AGTPBP1: variants seen among roughly 807,000 people sequenced by gnomAD.
The protein encoded by AGTPBP1 is ATP/GTP binding carboxypeptidase 1, also known as cytosolic carboxypeptidase 1.
A neutral mutation model predicts 143.9 loss-of-function variants in AGTPBP1; 70 were observed. That is an observed-to-expected ratio of 0.49 (90% confidence interval 0.40 to 0.59). The LOEUF is 0.59. Ranked by LOEUF, AGTPBP1 falls within the 20% of genes least tolerant of loss-of-function variation. The pLI is 0.00. For missense variants in AGTPBP1, 1,229 were observed against 1,464.5 expected (o/e 0.84, Z 2.62); for synonymous variants, 463 against 500.2 (o/e 0.93, Z 0.99).
chr9:85,642,532 C>G (rs963161647), intron 13 of AGTPBP1, among the ~76,000 whole-genome samples: 1 of 151,694 alleles, frequency 6.6e-6, no homozygotes, highest in Non-Finnish European at 1.5e-5. Flanking sequence ...CGGGGTTTCA[C>G]TCTGTTGGCC....
In AGTPBP1 at chr9:85,655,440, C is replaced by T. The variant is rs1833436785; in HGVS notation, c.910-120G>A. On this transcript the variant is annotated intron_variant, in intron 10 of 25. Coordinates refer to ENST00000357081, the MANE Select transcript of AGTPBP1 (RefSeq NM_001330701.2). ...TTCTAGAAACAAATATCTCAAAAAC[C>T]AATATTTTAACACAGAATAATTACA... 8.2e-6 allele frequency: 7 copies of T among 854,702 alleles called. No homozygotes were observed. In the South Asian group the frequency reaches 8.3e-5, roughly 10 times the overall value. The allele number at this position is 854,702 out of a possible 1,614,324, so 52.9% of individuals were successfully genotyped here.
chr9:85,630,191 G>T (rs76452090), intron 14 of AGTPBP1, among the ~76,000 whole-genome samples: 2 of 152,134 alleles, frequency 1.3e-5, no homozygotes, highest in African/African-American at 4.8e-5. Context: ...CAGGTGGGTC[G>T]TTCAGATTCT....
the AGTPBP1 span, among the ~76,000 whole-genome samples, chr9:85,785,354 C>T: frequency 0.01 from 1,584 of 151,898 alleles, 18 homozygotes; most frequent in African/African-American, 0.036. Flanking sequence ...AAACAAAAAA[C>T]TTTTGTCTTT....
chr9:85,669,656 C>CA, intron 7 of AGTPBP1, 78 bp from the exon 8 acceptor site: 2 of 844,288 alleles, frequency 2.4e-6, no homozygotes, highest in Non-Finnish European at 4.0e-6. Context: ...GATACATAGG[C>CA]AAAAACATAT....
chr9:85,650,450 A>G (rs889714106), intron 11 of AGTPBP1, among the ~76,000 whole-genome samples: 1 of 152,200 alleles, frequency 6.6e-6, no homozygotes, highest in African/African-American at 2.4e-5. Flanking sequence ...TCTCTTCCTT[A>G]TGACTTTTCA....
intron 23 of AGTPBP1, among the ~76,000 whole-genome samples, chr9:85,582,789 C>CATAG (rs1203007357): frequency 1.3e-5 from 2 of 152,042 alleles, no homozygotes; most frequent in Non-Finnish European, 1.5e-5. Context: ...TCATCAGAAA[C>CATAG]ATAGCATTTA....
chr9:85,562,698 A>C (rs1333950681), intron 25 of AGTPBP1, among the ~76,000 whole-genome samples: 1 of 152,240 alleles, frequency 6.6e-6, no homozygotes, highest in Non-Finnish European at 1.5e-5. Context: ...ACTTTGAATA[A>C]GTCTCTTACC....
intron 15 of AGTPBP1, 146 bp from the exon 16 acceptor site, chr9:85,619,447 C>T (rs1830783314): frequency 1.7e-6 from 1 of 584,534 alleles, no homozygotes; most frequent in Admixed American, 3.3e-5. Context: ...AAAACAAGCA[C>T]AATCAATACA....
chr9:85,662,834 G>T (rs966740142), intron 8 of AGTPBP1, among the ~76,000 whole-genome samples: 18 of 151,946 alleles, frequency 1.2e-4, no homozygotes, highest in African/African-American at 3.9e-4. Context: ...TTCACTTCCA[G>T]ACAAGATGGA....
Position 85,621,186 on chromosome 9 carries a change from T to TA in AGTPBP1, c.2099+15dup. 1 of 1,389,560 alleles carries TA rather than the reference T, an allele frequency of 7.2e-7. No homozygotes were observed. Among genetic ancestry groups the TA allele is most frequent in the Non-Finnish European group, 9.5e-7 (1 of 1,051,550 alleles). 86.1% of individuals were successfully genotyped at this position (1,389,560 alleles called of 1,614,324 possible). Reference sequence around the variant, plus strand: ...AAACTTAAAACTAATAAAAGTTCATTAAAATCAAGACTTACTTTGGGTTAT... The same window carrying TA: ...AAACTTAAAACTAATAAAAGTTCATTAAAAATCAAGACTTACTTTGGGTTAT... On this transcript the variant is annotated intron_variant, in intron 15 of 25. Coordinates refer to ENST00000357081, the MANE Select transcript of AGTPBP1 (RefSeq NM_001330701.2).
intron 1 of AGTPBP1, among the ~76,000 whole-genome samples, chr9:85,733,934 T>C (rs1210163084): frequency 2.6e-5 from 4 of 152,154 alleles, no homozygotes; most frequent in African/African-American, 7.2e-5. Context: ...CCCATAACTA[T>C]TGAGGAGATG....
At chr9:85,642,204 C>CGA (rs746735100) in intron 13 of AGTPBP1, among the ~76,000 whole-genome samples, 72 of 152,300 alleles carry the variant, frequency 4.7e-4, no homozygotes, top group Non-Finnish European at 8.8e-4. Context: ...GGAACCATCA[C>CGA]AAAAGCCAGC....
intron 1 of AGTPBP1, among the ~76,000 whole-genome samples, chr9:85,731,183 A>G (rs1242907898): frequency 2.0e-5 from 3 of 152,236 alleles, no homozygotes; most frequent in African/African-American, 7.2e-5. Flanking sequence ...AGCCTATTCA[A>G]TATTTTAATT....
chr9:85,756,543 G>GGACA, the AGTPBP1 span, among the ~76,000 whole-genome samples: 2 of 147,586 alleles, frequency 1.4e-5, no homozygotes, highest in South Asian at 4.3e-4. Flanking sequence ...ATGGATAGAT[G>GGACA]GATAGATAGA....
In AGTPBP1 at chr9:85,690,790, G is replaced by A. The variant is rs532709385; in HGVS notation, c.157+1899C>T. Among the ~76,000 whole-genome samples the A allele has an allele frequency of 2.1e-5, 3 of 142,024 alleles. No homozygotes were observed. The East Asian group carries it at 6.6e-4, about 31-fold the overall frequency. 93.2% of individuals were successfully genotyped at this position (142,024 alleles called of 152,430 possible). On this transcript the variant is annotated intron_variant, in intron 3 of 25. Transcript: ENST00000357081. ...AGAGGGTCATTCTCTGATAGTGATA[G>A]GGTCAGGAGTATTTTCAGTGGTGGT... is the stretch of plus-strand genomic sequence containing the variant.
the AGTPBP1 span, chr9:85,753,557 GC>G: frequency 8.7e-7 from 1 of 1,155,826 alleles, no homozygotes; most frequent in South Asian, 1.6e-5. Context: ...AGTTCGACCA[GC>G]CTGGTCAACA....
At chr9:85,750,969 C>T in the AGTPBP1 span, among the ~76,000 whole-genome samples, 67 of 152,356 alleles carry the variant, frequency 4.4e-4, 1 homozygote, top group Middle Eastern at 3.4e-3. Flanking sequence ...ATCCATGCCA[C>T]TTGAGACCAA....
chr9:85,552,233 T>C (rs536724630), intron 25 of AGTPBP1, among the ~76,000 whole-genome samples: 2 of 152,366 alleles, frequency 1.3e-5, no homozygotes, highest in South Asian at 4.1e-4. Context: ...CTGTATGGTA[T>C]CATTATGATG....
At chr9:85,770,277 T>C in the AGTPBP1 span, 4 of 1,541,084 alleles carry the variant, frequency 2.6e-6, no homozygotes, top group Admixed American at 5.0e-5. Flanking sequence ...ATTTCTGTTA[T>C]ATCTAGGAAG....
Sources: gnomAD v4.1 joint callset for allele counts (sites outside exome capture counted in the v4.1 genomes callset) on GRCh38, gnomAD v4.1.1 for gene constraint, MANE v1.5 for transcripts, NCBI Gene and HGNC (gene_info 2026-07-23, HGNC 2026-07-21) for gene names.